Variants in KCNIP1 observed in about 807,000 individuals in gnomAD.
The protein encoded by KCNIP1 is A-type potassium channel modulatory protein KCNIP1.
In KCNIP1, 18 loss-of-function variants were observed where a neutral mutation model predicts 33.0. The ratio of observed to expected loss-of-function variants is 0.55; its 90% CI spans 0.38 to 0.81. The LOEUF is 0.81. Among genes scored for constraint, KCNIP1 ranks in the 30% least tolerant of loss-of-function variants. KCNIP1 has a pLI of 0.00. For missense variants in KCNIP1, 238 were observed against 271.6 expected (o/e 0.88, Z 0.87); for synonymous variants, 93 against 98.3 (o/e 0.95, Z 0.32).
intron 1 of KCNIP1, among the ~76,000 whole-genome samples, chr5:170,604,620 C>T (rs1156911310): frequency 6.6e-6 from 1 of 152,140 alleles, no homozygotes; most frequent in Non-Finnish European, 1.5e-5. Context: ...GAGGAAGCCA[C>T]AGAAAATTGA....
intron 1 of KCNIP1, among the ~76,000 whole-genome samples, chr5:170,370,365 T>C (rs1763812554): frequency 6.6e-6 from 1 of 152,216 alleles, no homozygotes; most frequent in African/African-American, 2.4e-5. Context: ...CACTTTCCAA[T>C]TGAGGAAACT....
At chr5:170,462,380 G>A (rs1319449001) in intron 1 of KCNIP1, among the ~76,000 whole-genome samples, 2 of 150,968 alleles carry the variant, frequency 1.3e-5, no homozygotes, top group African/African-American at 4.9e-5. Context: ...ATGAAAAAAT[G>A]TTCAACATCA....
intron 1 of KCNIP1, among the ~76,000 whole-genome samples, chr5:170,427,398 C>A (rs1431040977): frequency 6.6e-6 from 1 of 152,212 alleles, no homozygotes; most frequent in African/African-American, 2.4e-5. Context: ...ATAGCTACAA[C>A]CATCTCATCT....
chr5:170,437,352 G>C (rs1755889648), intron 1 of KCNIP1, among the ~76,000 whole-genome samples: 1 of 152,304 alleles, frequency 6.6e-6, no homozygotes, highest in South Asian at 2.1e-4. Context: ...CAAATGCCAA[G>C]GTGGCAGATC....
Position 170,656,978 on chromosome 5 carries a change from T to C in KCNIP1, c.62-61780T>C, listed in dbSNP as rs952997801. Among the ~76,000 whole-genome samples, 27 of 146,946 alleles carry C rather than the reference T, an allele frequency of 1.8e-4. 1 individual carries two copies. The highest frequency in any genetic ancestry group is 6.9e-4 in the African/African-American group (27 of 39,136). ...ATGACTCAGTAAGTCTGTCTTTTCT[T>C]TTCTTTTTTCTTTCTTTCTTTTTTT... On this transcript the variant is annotated intron_variant, in intron 1 of 7. Transcript: ENST00000328939.
intron 1 of KCNIP1, among the ~76,000 whole-genome samples, chr5:170,682,205 T>C (rs1416062748): frequency 5.9e-5 from 9 of 152,198 alleles, no homozygotes; most frequent in Admixed American, 5.9e-4. Flanking sequence ...GAAATCCACT[T>C]TCTATCCATA....
chr5:170,434,134 A>T (rs1039785277), intron 1 of KCNIP1, among the ~76,000 whole-genome samples: 10 of 152,134 alleles, frequency 6.6e-5, no homozygotes, highest in Non-Finnish European at 1.2e-4. Context: ...GCCCCAAACT[A>T]TCTGTGGAAC....
chr5:170,629,559 A>G (rs1183328724), intron 1 of KCNIP1, among the ~76,000 whole-genome samples: 2 of 152,108 alleles, frequency 1.3e-5, no homozygotes, highest in African/African-American at 4.8e-5. Context: ...ACCCCAGCAC[A>G]CTGTCCTTTC....
chr5:170,584,970 G>A (rs1417772929), intron 1 of KCNIP1, among the ~76,000 whole-genome samples: 1 of 152,052 alleles, frequency 6.6e-6, no homozygotes, highest in Admixed American at 6.5e-5. Flanking sequence ...GTCCAGCAAT[G>A]TGTTAACCCT....
At chr5:170,573,148 G>T (rs1387542416) in intron 1 of KCNIP1, among the ~76,000 whole-genome samples, 2 of 152,326 alleles carry the variant, frequency 1.3e-5, no homozygotes, top group East Asian at 3.9e-4. Flanking sequence ...CAAGCTGGCT[G>T]GGCAAGGAAC....
At chr5:170,637,903 C>T (rs1760352971) in intron 1 of KCNIP1, among the ~76,000 whole-genome samples, 1 of 151,794 alleles carries the variant, frequency 6.6e-6, no homozygotes, top group South Asian at 2.1e-4. Context: ...GGCATGCAGT[C>T]GATATTTGCT....
chr5:170,622,539 T>C (rs1262979993), intron 1 of KCNIP1, among the ~76,000 whole-genome samples: 2 of 150,592 alleles, frequency 1.3e-5, no homozygotes, highest in East Asian at 2.0e-4. Context: ...AGAGAATTGC[T>C]TGAACCCAGG....
chr5:170,726,957 T>G (rs1266301598), intron 5 of KCNIP1, among the ~76,000 whole-genome samples: 2 of 65,182 alleles, frequency 3.1e-5, no homozygotes, highest in Non-Finnish European at 6.5e-5. Flanking sequence ...TCCTGGATAT[T>G]TACCCCCAAA....
intron 1 of KCNIP1, among the ~76,000 whole-genome samples, chr5:170,497,901 G>A (rs1484534305): frequency 6.6e-6 from 1 of 152,252 alleles, no homozygotes; most frequent in Non-Finnish European, 1.5e-5. Context: ...TGGCAGCGCA[G>A]AAGCGTGCAG....
intron 1 of KCNIP1, among the ~76,000 whole-genome samples, chr5:170,361,045 C>G (rs1361890591): frequency 6.6e-6 from 1 of 152,168 alleles, no homozygotes; most frequent in African/African-American, 2.4e-5. Flanking sequence ...CAAACAAGAC[C>G]AAAGGCCTGT....
intron 1 of KCNIP1, among the ~76,000 whole-genome samples, chr5:170,533,767 T>A (rs984781516): frequency 6.6e-6 from 1 of 152,204 alleles, no homozygotes; most frequent in Non-Finnish European, 1.5e-5. Context: ...AAGACTTGTG[T>A]GAACCAATAT....
At chr5:170,509,275 A>T (rs1754839751) in intron 1 of KCNIP1, among the ~76,000 whole-genome samples, 1 of 152,230 alleles carries the variant, frequency 6.6e-6, no homozygotes, top group African/African-American at 2.4e-5. Context: ...TCACAAAGGT[A>T]TGAGGAACCC....
chr5:170,624,741 A>AGG (rs1759755892), intron 1 of KCNIP1, among the ~76,000 whole-genome samples: 1 of 7,774 alleles, frequency 1.3e-4, no homozygotes. Flanking sequence ...GTGGGGGGGG[A>AGG]GAGGGGAGGG....
intron 1 of KCNIP1, among the ~76,000 whole-genome samples, chr5:170,663,146 C>T (rs1761563344): frequency 6.6e-6 from 1 of 152,200 alleles, no homozygotes; most frequent in Non-Finnish European, 1.5e-5. Context: ...CTCTCAACGA[C>T]TCCCAAGGGA....
Sources: allele counts gnomAD v4.1 joint callset (sites outside exome capture counted in the v4.1 genomes callset), GRCh38; gene constraint gnomAD v4.1.1; transcripts MANE v1.5; gene names NCBI Gene and HGNC (gene_info 2026-07-23, HGNC 2026-07-21).